The following MYO10 variants were observed in gnomAD, a reference collection of about 807,000 sequenced individuals.
MYO10 encodes unconventional myosin-X.
A neutral mutation model predicts 257.3 loss-of-function variants in MYO10; 133 were observed. That is an observed-to-expected ratio of 0.52 (90% CI 0.45 to 0.60). MYO10 has a LOEUF of 0.60. Ranked by LOEUF, MYO10 falls within the 20% of genes least tolerant of loss-of-function variation. The pLI, the probability that MYO10 is intolerant of heterozygous loss-of-function variation, is 0.00. For synonymous variants in MYO10, 1,104 were observed against 1,028.6 expected, an observed-to-expected ratio of 1.07 and a Z score of -1.40; for missense variants, 2,399 against 2,635.7, an observed-to-expected ratio of 0.91 and a Z score of 1.97.
At chr5:16,897,092 C>T (rs1745239683) in intron 1 of MYO10, among the ~76,000 whole-genome samples, 1 of 152,128 alleles carries the variant, frequency 6.6e-6, no homozygotes, top group South Asian at 2.1e-4. Context: ...GAGTAATCTA[C>T]TACAAAATGC....
chr5:16,731,790 T>C (rs966742738), intron 19 of MYO10, among the ~76,000 whole-genome samples: 6 of 152,190 alleles, frequency 3.9e-5, no homozygotes, highest in African/African-American at 1.2e-4. Flanking sequence ...GCCACCAGCT[T>C]GGGATAGGGC....
chr5:16,803,977 C>T (rs1290890911), intron 3 of MYO10, among the ~76,000 whole-genome samples: 1 of 152,202 alleles, frequency 6.6e-6, no homozygotes, highest in Non-Finnish European at 1.5e-5. Context: ...CTGCTCCTGC[C>T]TCTTCTGACA....
chr5:16,717,394 T>G (rs970132160), intron 19 of MYO10, among the ~76,000 whole-genome samples: 5 of 152,216 alleles, frequency 3.3e-5, no homozygotes, highest in African/African-American at 1.2e-4. Flanking sequence ...CAATCCGTCT[T>G]CTGGAAACAC....
intron 18 of MYO10, among the ~76,000 whole-genome samples, chr5:16,757,299 CAA>C (rs1321246822): frequency 4.7e-4 from 35 of 74,952 alleles, no homozygotes; most frequent in African/African-American, 1.0e-3. Context: ...CACACACACA[CAA>C]ACACACACAC....
At chr5:16,683,110 G>A (rs930748803) in intron 30 of MYO10, among the ~76,000 whole-genome samples, 6 of 152,150 alleles carry the variant, frequency 3.9e-5, no homozygotes, top group South Asian at 2.1e-4. Flanking sequence ...TCTTGTCAAC[G>A]GGAGGGTGAC....
chr5:16,774,514 T>C (rs756366320), intron 9 of MYO10, among the ~76,000 whole-genome samples: 10 of 152,114 alleles, frequency 6.6e-5, no homozygotes, highest in Non-Finnish European at 1.2e-4. Context: ...CTCTGCCTCC[T>C]GGGTTCACGC....
intron 1 of MYO10, among the ~76,000 whole-genome samples, chr5:16,931,281 A>C (rs2126808820): frequency 6.6e-6 from 1 of 152,160 alleles, no homozygotes; most frequent in Non-Finnish European, 1.5e-5. Context: ...CAAAACAATA[A>C]TAATAATAAT....
chr5:16,821,950 A>G (rs1742832317), intron 2 of MYO10, among the ~76,000 whole-genome samples: 1 of 149,862 alleles, frequency 6.7e-6, no homozygotes, highest in African/African-American at 2.5e-5. Context: ...TTCAAGATAC[A>G]GGATTGCAGC....
intron 1 of MYO10, among the ~76,000 whole-genome samples, chr5:16,909,107 A>G (rs1390440448): frequency 6.6e-6 from 1 of 152,236 alleles, no homozygotes; most frequent in Non-Finnish European, 1.5e-5. Flanking sequence ...ACAGTTCCAC[A>G]TGGGTGGAGA....
intron 3 of MYO10, among the ~76,000 whole-genome samples, chr5:16,811,063 T>C (rs42569): frequency 0.98 from 140,254 of 143,708 alleles, 68,493 homozygotes; most frequent in Middle Eastern, 0.99. Flanking sequence ...AGCAAGACTC[T>C]GTCTCAAAAA....
intron 2 of MYO10, among the ~76,000 whole-genome samples, chr5:16,834,467 T>TG (rs1302096295): frequency 6.6e-6 from 1 of 152,094 alleles, no homozygotes; most frequent in Non-Finnish European, 1.5e-5. Flanking sequence ...GATCAATCTG[T>TG]GGGGACCAGG....
rs769913340 is a variant in MYO10, at chr5:16,701,072, G to A, written c.3323C>T (p.Thr1108Ile). 12 of 1,574,756 alleles carry A rather than the reference G, an allele frequency of 7.6e-6. No individual in the cohort carries two copies. Among genetic ancestry groups the A allele is most frequent in the Non-Finnish European group, 1.7e-6 (2 of 1,160,984 alleles). ...DGAITSGSSV[T>I]FSNSYGSQWS... is the part of the protein sequence containing the mutation. ...CTGGCTGCCGTAGGAGTTGGAGAAG[G>A]TCACGCTGCTGCCGGAAGTGATGGC... Residue 1108 changes from threonine to isoleucine, a missense_variant, in exon 25 of 41, where the codon ACC becomes ATC. Coordinates refer to ENST00000513610, the MANE Select transcript of MYO10 (RefSeq NM_012334.3). The surrounding 1 kb of genome is among the most constrained non-coding windows in gnomAD (Gnocchi z 8.1).
At position 16,710,878 on chromosome 5, in the gene MYO10, G is replaced by T. The variant is rs767546976; in HGVS notation, c.2169+30C>A. On this transcript the variant is annotated intron_variant, in intron 21 of 40. Coordinates refer to ENST00000513610, the MANE Select transcript of MYO10 (RefSeq NM_012334.3). ...TCACCCCGAGATCTGTCAGGGATTC[G>T]GTGGGAGTTGCTCTTTCTCCGCATC... 20 of 1,570,932 alleles carry T rather than the reference G, an allele frequency of 1.3e-5. 1 individual carries two copies. Among genetic ancestry groups the T allele is most frequent in the South Asian group, 1.1e-4 (10 of 88,192 alleles).
At chr5:16,809,760 T>C (rs1375721926) in intron 3 of MYO10, among the ~76,000 whole-genome samples, 2 of 152,210 alleles carry the variant, frequency 1.3e-5, no homozygotes, top group African/African-American at 2.4e-5. Context: ...GCCCCATTTC[T>C]TAAAATTGGC....
chr5:16,814,836 G>A (rs1383808876), intron 3 of MYO10: 2 of 152,214 alleles, frequency 1.3e-5, no homozygotes, highest in Non-Finnish European at 2.9e-5. Context: ...TAGAAAGGAA[G>A]AATATGACCT....
chr5:16,880,834 C>T (rs1030293047), intron 1 of MYO10, among the ~76,000 whole-genome samples: 6 of 152,212 alleles, frequency 3.9e-5, no homozygotes, highest in Non-Finnish European at 7.3e-5. Flanking sequence ...TCTGCTACGA[C>T]GCTGGTCTCT....
At chr5:16,903,422 T>C (rs1745440244) in intron 1 of MYO10, among the ~76,000 whole-genome samples, 1 of 151,980 alleles carries the variant, frequency 6.6e-6, no homozygotes, top group Non-Finnish European at 1.5e-5. Flanking sequence ...ATAATAATAA[T>C]AATAATGCTC....
intron 3 of MYO10, among the ~76,000 whole-genome samples, chr5:16,795,692 A>G (rs1377747445): frequency 1.3e-5 from 2 of 152,006 alleles, no homozygotes; most frequent in East Asian, 3.9e-4. Flanking sequence ...TTTTTTTTGT[A>G]GAGACATGGT....
chr5:16,668,401 T>C lies in MYO10; in HGVS notation c.5951A>G (p.Lys1984Arg). ...GVSADAVSVY[K>R]RGEGRPLEVF... ...TTCCAGTGGTCTTCCCTCTCCACGC[T>C]TGTAGACGGAGACGGCGTCCGCGCT... The change falls in exon 40 of 41, where the codon AAG becomes AGG. Residue 1984 changes from lysine (K) to arginine (R), a missense_variant. Physicochemically the swap from Lys to Arg is conservative, Grantham distance 26. Around this residue, in one of 3 missense-constraint regions of MYO10, gnomAD observed 1,820 missense variants for 1,939.4 expected, o/e 0.94. Transcript: ENST00000513610. 6.2e-7 allele frequency: 1 copy of C among 1,613,956 alleles called. No homozygotes were observed. Among genetic ancestry groups the C allele is most frequent in the Non-Finnish European group, 8.5e-7 (1 of 1,179,872 alleles).
Sources: allele counts gnomAD v4.1 joint callset (sites outside exome capture counted in the v4.1 genomes callset), GRCh38; gene constraint gnomAD v4.1.1; regional missense constraint gnomAD v4.1.1; non-coding constraint Gnocchi (gnomAD v3.1); transcripts MANE v1.5; gene names NCBI Gene and HGNC (gene_info 2026-07-23, HGNC 2026-07-21).